ELP6: variants seen among roughly 807,000 people sequenced by gnomAD.
ELP6 encodes the protein elongator complex protein 6.
ELP6 carries 23 observed loss-of-function variants against 28.1 expected under a neutral mutation model. The observed-to-expected ratio is 0.82, with a 90% CI of 0.59 to 1.16. ELP6 has a LOEUF of 1.16. Ranked by LOEUF, ELP6 falls within the 50% of genes most tolerant of loss-of-function variation. The pLI is 0.00. For missense variants in ELP6, 313 were observed against 334.6 expected (o/e 0.94, Z 0.50); for synonymous variants, 132 against 135.8 (o/e 0.97, Z 0.19).
intron 4 of ELP6, among the ~76,000 whole-genome samples, chr3:47,503,962 C>G (rs1287252635): frequency 6.6e-6 from 1 of 152,112 alleles, no homozygotes; most frequent in African/African-American, 2.4e-5. Flanking sequence ...ACAAAACAAA[C>G]AAAACAAATG....
At chr3:47,501,549 C>T in intron 5 of ELP6, 101 bp downstream of exon 5, 2 of 1,284,142 alleles carry the variant, frequency 1.6e-6, no homozygotes, top group Admixed American at 2.0e-5. Context: ...AAAGCCAAAA[C>T]CCCAAGCAAA....
In ELP6 at chr3:47,498,288, G is replaced by C. The variant is rs1192263221; in HGVS notation, c.670C>G (p.Gln224Glu). 6.2e-7 allele frequency: 1 copy of C among 1,613,244 alleles called. No individual in the cohort carries two copies. Among genetic ancestry groups the C allele is most frequent in the Non-Finnish European group, 8.5e-7 (1 of 1,180,008 alleles). ...TTGCCCAGGAGGCCCCTGCATACCT[G>C]CCCGTGCACATCCCTGCAGAAGCCA... is the stretch of plus-strand genomic sequence containing the variant. Reference protein sequence around the residue: ...ATGFCRDVHGQLRILWRRPSQ... With the variant: ...ATGFCRDVHGELRILWRRPSQ... The change falls in exon 6 of 7, where the codon CAG (glutamine) becomes GAG (glutamate). Residue 224 changes from glutamine (Q) to glutamate (E), a missense_variant and splice_region_variant. Coordinates refer to ENST00000296149, the MANE Select transcript of ELP6 (RefSeq NM_001031703.3).
At position 47,502,507 on chromosome 3, in the gene ELP6, C is replaced by T. The variant is rs1188401027; in HGVS notation, c.324-656G>A. The T allele has an allele frequency of 1.7e-5, 17 of 983,842 alleles. No homozygotes were observed. The Admixed American group carries it at 2.5e-4, about 14-fold the overall frequency. The allele number at this position is 983,842 out of a possible 1,614,324, so 60.9% of individuals were successfully genotyped here. ...GGAAGATCAGCTTGGATTGGGCAGG[C>T]GGAAACCTTCCCAGGAGGTTATACA... On this transcript the variant is annotated intron_variant, in intron 4 of 6. Transcript: ENST00000296149.
In ELP6 at chr3:47,501,288, C is replaced by T. The variant is rs566797790; in HGVS notation, c.525+362G>A. ...TATTGTATATCCTATACTTGTATTG[C>T]CCTTTACAATTTTAAAGTAGTTCAT... On this transcript the variant is annotated intron_variant, in intron 5 of 6. Coordinates refer to ENST00000296149, the MANE Select transcript of ELP6 (RefSeq NM_001031703.3). 9.9e-5 allele frequency among the ~76,000 whole-genome samples: 15 copies of T among 152,242 alleles called. No homozygotes were observed. The Middle Eastern group carries it at 0.014, about 138-fold the overall frequency.
chr3:47,513,685 G>A lies in ELP6; in HGVS notation c.-95C>T, dbSNP rs1229714443. Reference sequence around the variant, plus strand: ...CAAAACACACCCGACAGCCCGGCTCGCGCAAGGAAGCGCGCATGCGCAATG... The same window carrying A: ...CAAAACACACCCGACAGCCCGGCTCACGCAAGGAAGCGCGCATGCGCAATG... On this transcript the variant is annotated 5_prime_UTR_variant, in exon 1 of 7. Coordinates refer to ENST00000296149, the MANE Select transcript of ELP6 (RefSeq NM_001031703.3). 19 of 1,501,662 alleles carry A rather than the reference G, an allele frequency of 1.3e-5. No homozygotes were observed. The highest frequency in any genetic ancestry group is 1.7e-5 in the Non-Finnish European group (19 of 1,099,142). The allele number at this position is 1,501,662 out of a possible 1,614,324, so 93.0% of individuals were successfully genotyped here. A position where few individuals can be genotyped will look rare whatever the true frequency, so the allele number is the denominator to read the frequency against.
At chr3:47,510,836 G>A (rs1463985356) in intron 2 of ELP6, among the ~76,000 whole-genome samples, 3 of 152,088 alleles carry the variant, frequency 2.0e-5, no homozygotes, top group South Asian at 2.1e-4. Context: ...CAGAGACCTC[G>A]AGATACACAA....
At chr3:47,497,220 C>T (rs1056353536) in intron 6 of ELP6, 5 of 985,264 alleles carry the variant, frequency 5.1e-6, no homozygotes, top group Middle Eastern at 5.2e-4. Flanking sequence ...GGGTAGAATC[C>T]AGCTTCCCTC....
intron 4 of ELP6, among the ~76,000 whole-genome samples, chr3:47,503,674 G>A (rs11713413): frequency 0.36 from 54,491 of 151,898 alleles, 10,110 homozygotes; most frequent in Middle Eastern, 0.48. Flanking sequence ...AGGCCGAGGC[G>A]GGCGGATCAC....
chr3:47,511,534 T>C, intron 1 of ELP6: 1 of 952,954 alleles, frequency 1.0e-6, no homozygotes, highest in African/African-American at 1.8e-5. Context: ...CAGGAACCAG[T>C]CTTAGGAAGA....
At chr3:47,498,574 C>T (rs1384500833) in intron 5 of ELP6, 142 bp from the exon 6 acceptor site, 2 of 1,498,220 alleles carry the variant, frequency 1.3e-6, no homozygotes, top group East Asian at 4.6e-5. Flanking sequence ...CCAGCCCCTA[C>T]CTGTGCTCCC....
chr3:47,513,108 A>C, intron 1 of ELP6: 1 of 866,512 alleles, frequency 1.2e-6, no homozygotes, highest in Non-Finnish European at 1.4e-6. Flanking sequence ...CTCCTGTCTC[A>C]GCCTCCCGAG....
chr3:47,505,318 A>T (rs954934891), intron 3 of ELP6, among the ~76,000 whole-genome samples: 2 of 152,128 alleles, frequency 1.3e-5, no homozygotes, highest in Non-Finnish European at 2.9e-5. Context: ...AAAAAATGGG[A>T]TGCAGAAATT....
intron 3 of ELP6, chr3:47,509,864 C>T (rs1467829656): frequency 2.8e-5 from 5 of 178,392 alleles, no homozygotes; most frequent in African/African-American, 4.7e-5. Context: ...CGGGTTCAAG[C>T]GATTTTCCTG....
chr3:47,512,490 G>T, intron 1 of ELP6: 2 of 493,306 alleles, frequency 4.1e-6, no homozygotes, highest in Non-Finnish European at 5.3e-6. Flanking sequence ...AGGTGAGGTT[G>T]CAGGGAGCCG....
chr3:47,502,299 A>T (rs976056391), intron 4 of ELP6: 3 of 534,662 alleles, frequency 5.6e-6, no homozygotes, highest in Non-Finnish European at 7.2e-6. Context: ...AATACCAGCC[A>T]CTCAGGAGGC....
At chr3:47,508,753 ATTTTTTTTTTCCTTTTT>A (rs1708921436) in intron 3 of ELP6, among the ~76,000 whole-genome samples, 1 of 116,776 alleles carries the variant, frequency 8.6e-6, no homozygotes, top group Non-Finnish European at 1.8e-5. Flanking sequence ...TCTCTGGGAG[ATTTTTTTTTTCCTTTTT>A]TTTTTTTTTT....
chr3:47,500,293 A>G, intron 5 of ELP6: 11 of 1,023,592 alleles, frequency 1.1e-5, no homozygotes, highest in Non-Finnish European at 1.3e-5. Context: ...GGAGACAAAT[A>G]TGTGCATATA....
intron 3 of ELP6, 188 bp downstream of exon 3, chr3:47,509,996 G>A (rs376132552): frequency 1.4e-5 from 7 of 494,528 alleles, no homozygotes; most frequent in Admixed American, 3.7e-5. Context: ...TCTTGACCTC[G>A]TGATCTGCCC....
At chr3:47,501,032 C>T (rs1708633847) in intron 5 of ELP6, among the ~76,000 whole-genome samples, 1 of 152,150 alleles carries the variant, frequency 6.6e-6, no homozygotes, top group Non-Finnish European at 1.5e-5. Context: ...GGCACCACAG[C>T]CATTCCTATT....
Sources: allele counts gnomAD v4.1 joint callset (sites outside exome capture counted in the v4.1 genomes callset), GRCh38; gene constraint gnomAD v4.1.1; transcripts MANE v1.5; gene names NCBI Gene and HGNC (gene_info 2026-07-23, HGNC 2026-07-21).